The following PPARGC1A variants were observed in gnomAD, a reference collection of about 807,000 sequenced individuals.
PPARGC1A encodes PPARG coactivator 1 alpha.
In PPARGC1A, 25 loss-of-function variants were observed where a neutral mutation model predicts 88.7. The ratio of observed to expected loss-of-function variants is 0.28; its 90% CI spans 0.21 to 0.39. PPARGC1A has a LOEUF of 0.39. Ranked by LOEUF, PPARGC1A falls within the 10% of genes least tolerant of loss-of-function variation. PPARGC1A has a pLI of 1.00. For missense variants in PPARGC1A, 880 were observed against 968.7 expected, an observed-to-expected ratio of 0.91 and a Z score of 1.22; for synonymous variants, 363 against 355.6, an observed-to-expected ratio of 1.02 and a Z score of -0.24.
chr4:23,913,265 TATAG>T, the PPARGC1A span, among the ~76,000 whole-genome samples: 5,275 of 58,312 alleles, frequency 0.09, 63 homozygotes, highest in East Asian at 0.1. Flanking sequence ...TATATATATA[TATAG>T]AGAGAGAGAG....
At chr4:24,247,278 C>T in the PPARGC1A span, among the ~76,000 whole-genome samples, 6 of 152,238 alleles carry the variant, frequency 3.9e-5, no homozygotes, top group East Asian at 7.7e-4. Flanking sequence ...GAGTTATCCT[C>T]ATTGTATCAT....
At chr4:24,303,795 A>T in the PPARGC1A span, among the ~76,000 whole-genome samples, 1 of 152,220 alleles carries the variant, frequency 6.6e-6, no homozygotes, top group Non-Finnish European at 1.5e-5. Flanking sequence ...GAAGAAAAAA[A>T]AGCAAAAATT....
At chr4:24,159,931 C>A in the PPARGC1A span, among the ~76,000 whole-genome samples, 1 of 152,214 alleles carries the variant, frequency 6.6e-6, no homozygotes, top group East Asian at 1.9e-4. Flanking sequence ...CCCTGATGAG[C>A]AAGAGAGAGC....
intron 2 of PPARGC1A, among the ~76,000 whole-genome samples, chr4:23,857,815 T>A (rs186885811): frequency 2.6e-5 from 4 of 151,740 alleles, no homozygotes; most frequent in Non-Finnish European, 4.4e-5. Flanking sequence ...GTGATGAGAC[T>A]CCTCTTGCAG....
At chr4:23,887,563 G>A (rs1717121301) in intron 1 of PPARGC1A, among the ~76,000 whole-genome samples, 1 of 152,148 alleles carries the variant, frequency 6.6e-6, no homozygotes, top group Admixed American at 6.5e-5. Context: ...TAAGATTTAA[G>A]AGGATAAAGC....
the PPARGC1A span, among the ~76,000 whole-genome samples, chr4:24,224,374 G>A: frequency 2.6e-5 from 4 of 152,144 alleles, no homozygotes; most frequent in Non-Finnish European, 5.9e-5. Flanking sequence ...TCTGGAAGGA[G>A]AAAAAGTTAA....
intron 1 of PPARGC1A, among the ~76,000 whole-genome samples, chr4:23,898,696 C>A (rs1002768418): frequency 6.6e-6 from 1 of 152,104 alleles, no homozygotes; most frequent in Non-Finnish European, 1.5e-5. Context: ...ATGAGAGATC[C>A]ATTTTAAACA....
the PPARGC1A span, among the ~76,000 whole-genome samples, chr4:24,450,092 T>TC: frequency 6.6e-6 from 1 of 152,234 alleles, no homozygotes; most frequent in Admixed American, 6.5e-5. Flanking sequence ...ACTTACCCCA[T>TC]CACCAACATG....
At chr4:24,024,042 G>A in the PPARGC1A span, among the ~76,000 whole-genome samples, 1 of 152,128 alleles carries the variant, frequency 6.6e-6, no homozygotes, top group Non-Finnish European at 1.5e-5. Context: ...TGCCTTCTGG[G>A]TGTAGTCAAC....
At chr4:23,991,915 C>T in the PPARGC1A span, among the ~76,000 whole-genome samples, 1 of 152,068 alleles carries the variant, frequency 6.6e-6, no homozygotes, top group Non-Finnish European at 1.5e-5. Context: ...AAGGCTGCAA[C>T]CTCAAAGCAC....
chr4:24,098,609 C>T, the PPARGC1A span, among the ~76,000 whole-genome samples: 1 of 152,152 alleles, frequency 6.6e-6, no homozygotes, highest in Admixed American at 6.5e-5. Flanking sequence ...ACTTATATCG[C>T]TTAAGTGAGA....
At chr4:24,357,310 C>A in the PPARGC1A span, among the ~76,000 whole-genome samples, 2 of 152,196 alleles carry the variant, frequency 1.3e-5, no homozygotes, top group African/African-American at 4.8e-5. Flanking sequence ...GGCCAGATGA[C>A]CAACAAATGG....
chr4:23,794,532 A>G lies in PPARGC1A; in HGVS notation c.*1290T>C, dbSNP rs1717169991. The G allele has an allele frequency of 6.6e-6, 1 of 152,542 alleles. No individual in the cohort carries two copies. Among genetic ancestry groups the G allele is most frequent in the Non-Finnish European group, 1.5e-5 (1 of 68,038 alleles). The allele number at this position is 152,542 out of a possible 1,614,324, so 9.4% of individuals were successfully genotyped here. Reference sequence around the variant, plus strand: ...ACACACACTGTCTTTTTGTTTTTACAATCAAATATATATAAGCAGTAAGTT... The same window carrying G: ...ACACACACTGTCTTTTTGTTTTTACGATCAAATATATATAAGCAGTAAGTT... On this transcript the variant is annotated 3_prime_UTR_variant, in exon 13 of 13. Transcript: ENST00000264867.
At chr4:24,215,249 C>T in the PPARGC1A span, among the ~76,000 whole-genome samples, 3 of 152,210 alleles carry the variant, frequency 2.0e-5, no homozygotes, top group Non-Finnish European at 4.4e-5. Flanking sequence ...TCAGCCCATA[C>T]TTCACACAGC....
At chr4:24,228,908 G>A in the PPARGC1A span, among the ~76,000 whole-genome samples, 1 of 152,072 alleles carries the variant, frequency 6.6e-6, no homozygotes, top group African/African-American at 2.4e-5. Flanking sequence ...AGGGTTACTG[G>A]GGGAATTTGT....
the PPARGC1A span, among the ~76,000 whole-genome samples, chr4:24,393,672 C>A: frequency 6.6e-6 from 1 of 152,332 alleles, no homozygotes; most frequent in Admixed American, 6.5e-5. Flanking sequence ...ACACTTGGAA[C>A]AGATTCCTGC....
the PPARGC1A span, among the ~76,000 whole-genome samples, chr4:24,229,400 C>T: frequency 7.9e-4 from 119 of 150,460 alleles, no homozygotes; most frequent in Admixed American, 3.3e-3. Flanking sequence ...CTGCCCACCT[C>T]GGCCTCCCAA....
At chr4:23,925,260 C>G in the PPARGC1A span, among the ~76,000 whole-genome samples, 1 of 152,090 alleles carries the variant, frequency 6.6e-6, no homozygotes, top group South Asian at 2.1e-4. Flanking sequence ...ATCTAGGGTT[C>G]CCTGCTCTAA....
chr4:24,414,526 A>G, the PPARGC1A span, among the ~76,000 whole-genome samples: 1 of 152,142 alleles, frequency 6.6e-6, no homozygotes, highest in African/African-American at 2.4e-5. Context: ...GATAAATTAT[A>G]TGATCACCCT....
Sources: allele counts gnomAD v4.1 joint callset (sites outside exome capture counted in the v4.1 genomes callset), GRCh38; gene constraint gnomAD v4.1.1; transcripts MANE v1.5; gene names NCBI Gene and HGNC (gene_info 2026-07-23, HGNC 2026-07-21).